SYNDIG1L: variants seen among roughly 807,000 people sequenced by gnomAD.
The protein encoded by SYNDIG1L is synapse differentiation-inducing gene protein 1-like.
SYNDIG1L carries 13 observed loss-of-function variants against 20.1 expected under a neutral mutation model. The ratio of observed to expected loss-of-function variants is 0.65; its 90% CI spans 0.42 to 1.03. SYNDIG1L has a LOEUF of 1.03. Ranked by LOEUF, SYNDIG1L falls within the 50% of genes least tolerant of loss-of-function variation. The probability of loss-of-function intolerance (pLI) is 0.00; values close to 1 mark genes in which losing one functional copy is unlikely to be tolerated. For synonymous variants in SYNDIG1L, 128 were observed against 129.3 expected (o/e 0.99, Z 0.07); for missense variants, 294 against 305.1 (o/e 0.96, Z 0.27).
chr14:74,450,474 G>A, the SYNDIG1L span, among the ~76,000 whole-genome samples: 1 of 152,132 alleles, frequency 6.6e-6, no homozygotes, highest in African/African-American at 2.4e-5. Flanking sequence ...GATATAAACA[G>A]GATAATACAT....
At chr14:74,423,406 C>T (rs1226420580) in intron 1 of SYNDIG1L, among the ~76,000 whole-genome samples, 2 of 152,214 alleles carry the variant, frequency 1.3e-5, no homozygotes, top group African/African-American at 2.4e-5. Context: ...GCTGCTGCTG[C>T]TGCCGTCACT....
chr14:74,418,099 G>A (rs1237111734), intron 1 of SYNDIG1L, among the ~76,000 whole-genome samples: 1 of 152,214 alleles, frequency 6.6e-6, no homozygotes, highest in Non-Finnish European at 1.5e-5. Context: ...ACAGGCGCTA[G>A]ACCGTCTTCT....
chr14:74,411,475 G>A (rs544796510), intron 1 of SYNDIG1L, among the ~76,000 whole-genome samples: 1 of 152,302 alleles, frequency 6.6e-6, no homozygotes, highest in Non-Finnish European at 1.5e-5. Flanking sequence ...CGATTATCTA[G>A]TCACCTCTCC....
chr14:74,441,559 G>T, the SYNDIG1L span, among the ~76,000 whole-genome samples: 1 of 152,166 alleles, frequency 6.6e-6, no homozygotes, highest in Non-Finnish European at 1.5e-5. Context: ...AGGTTGCAGT[G>T]CAGTGGCACC....
chr14:74,470,990 C>T, the SYNDIG1L span, among the ~76,000 whole-genome samples: 1 of 152,162 alleles, frequency 6.6e-6, no homozygotes, highest in Middle Eastern at 3.2e-3. Flanking sequence ...GTGTTAAAAA[C>T]GGACACAGCC....
the SYNDIG1L span, chr14:74,480,122 G>C: frequency 1.1e-5 from 18 of 1,565,418 alleles, no homozygotes; most frequent in Non-Finnish European, 1.6e-5. Flanking sequence ...CAGCCACCCG[G>C]AGCTCAGTTT....
At chr14:74,474,083 TATG>T in the SYNDIG1L span, 1 of 152,340 alleles carries the variant, frequency 6.6e-6, no homozygotes, top group African/African-American at 2.4e-5. Flanking sequence ...TGCACTAGCC[TATG>T]ATATTAATAT....
chr14:74,457,044 G>A, the SYNDIG1L span, among the ~76,000 whole-genome samples: 2 of 152,162 alleles, frequency 1.3e-5, no homozygotes, highest in African/African-American at 2.4e-5. Flanking sequence ...AGTGTTATCC[G>A]ATGCATGCTA....
chr14:74,479,392 A>T, the SYNDIG1L span: 1 of 152,242 alleles, frequency 6.6e-6, no homozygotes, highest in Admixed American at 6.5e-5. Flanking sequence ...TATTCAACTC[A>T]ATTGTGAATG....
At chr14:74,437,529 T>C in the SYNDIG1L span, among the ~76,000 whole-genome samples, 3 of 152,114 alleles carry the variant, frequency 2.0e-5, no homozygotes, top group Non-Finnish European at 4.4e-5. Context: ...GAAAGGAAAC[T>C]AGCTAAGAGT....
chr14:74,451,202 A>G, the SYNDIG1L span, among the ~76,000 whole-genome samples: 1 of 152,232 alleles, frequency 6.6e-6, no homozygotes, highest in Non-Finnish European at 1.5e-5. Context: ...CAAGACAGTG[A>G]GGTGTTGGCA....
chr14:74,410,236 C>T (rs1217730007), intron 1 of SYNDIG1L, among the ~76,000 whole-genome samples: 2 of 152,100 alleles, frequency 1.3e-5, no homozygotes, highest in Non-Finnish European at 1.5e-5. Context: ...TAAGCATGCA[C>T]AATGGATGGA....
chr14:74,417,769 C>T (rs932186220), intron 1 of SYNDIG1L, among the ~76,000 whole-genome samples: 6 of 151,960 alleles, frequency 3.9e-5, no homozygotes, highest in South Asian at 2.1e-4. Flanking sequence ...ATGTGGTAGG[C>T]GTGAGAGTGG....
upstream of SYNDIG1L, among the ~76,000 whole-genome samples, chr14:74,426,338 G>A (rs983553344): frequency 1.7e-4 from 26 of 151,690 alleles, no homozygotes; most frequent in African/African-American, 6.3e-4. Flanking sequence ...ACCCGGCTCC[G>A]GGGCGGGGCG....
rs4903221 is a variant in SYNDIG1L, at chr14:74,406,871, A to G, written c.*664T>C. The G allele has an allele frequency of 0.64, 96,768 of 152,194 alleles. 30,816 individuals are homozygous for G. Among genetic ancestry groups the G allele is most frequent in the South Asian group, 0.67 (3,232 of 4,826 alleles). 9.4% of individuals were successfully genotyped at this position (152,194 alleles called of 1,614,324 possible). ...TGCACCCGCATGAAGAAGCTCCAAG[A>G]ACCTGCCCTTGGTTCAGAGTTTACA... On this transcript the variant is annotated 3_prime_UTR_variant, in exon 4 of 4. Coordinates refer to ENST00000331628, the MANE Select transcript of SYNDIG1L (RefSeq NM_001105579.2).
the SYNDIG1L span, among the ~76,000 whole-genome samples, chr14:74,440,516 T>TAAA: frequency 0.29 from 28,325 of 96,516 alleles, 4,350 homozygotes; most frequent in Non-Finnish European, 0.37. Flanking sequence ...CTCCGTCTCA[T>TAAA]AAAAAAAAAA....
chr14:74,409,244 A>C, intron 2 of SYNDIG1L, 84 bp downstream of exon 2: 1 of 1,073,816 alleles, frequency 9.3e-7, no homozygotes, highest in Non-Finnish European at 1.3e-6. Flanking sequence ...ACGCCAGGCT[A>C]ATTTTCAATT....
At chr14:74,420,269 A>C (rs2086211013) in intron 1 of SYNDIG1L, among the ~76,000 whole-genome samples, 1 of 151,558 alleles carries the variant, frequency 6.6e-6, no homozygotes, top group South Asian at 2.1e-4. Flanking sequence ...GGTGGCGTGC[A>C]CCTGTAATCC....
the SYNDIG1L span, among the ~76,000 whole-genome samples, chr14:74,451,277 G>C: frequency 6.6e-6 from 1 of 152,174 alleles, no homozygotes; most frequent in East Asian, 1.9e-4. Flanking sequence ...TGAACAACTG[G>C]TTTTTGACAA....
Sources: allele counts gnomAD v4.1 joint callset (sites outside exome capture counted in the v4.1 genomes callset), GRCh38; gene constraint gnomAD v4.1.1; transcripts MANE v1.5; gene names NCBI Gene and HGNC (gene_info 2026-07-23, HGNC 2026-07-21).